Variants in DNAH9 observed in about 807,000 individuals in gnomAD.
The protein encoded by DNAH9 is DNAH9 variant protein.
A neutral mutation model predicts 471.6 loss-of-function variants in DNAH9; 345 were observed. The ratio of observed to expected loss-of-function variants is 0.73; its 90% CI spans 0.67 to 0.80. The LOEUF (loss-of-function observed/expected upper bound fraction) is 0.80, where lower values mean the gene tolerates loss of function less well. DNAH9 is among the 30% of genes least tolerant of loss of function. DNAH9 has a pLI of 0.00. For synonymous variants in DNAH9, 2,093 were observed against 2,123.6 expected, an observed-to-expected ratio of 0.99 and a Z score of 0.40; for missense variants, 5,407 against 5,609.2, an observed-to-expected ratio of 0.96 and a Z score of 1.15.
intron 14 of DNAH9, among the ~76,000 whole-genome samples, chr17:11,660,881 T>C (rs1017484376): frequency 6.6e-6 from 1 of 152,168 alleles, no homozygotes; most frequent in African/African-American, 2.4e-5. Flanking sequence ...GGTAGTGTTC[T>C]ATAAATATAA....
intron 4 of DNAH9, among the ~76,000 whole-genome samples, chr17:11,613,437 C>T (rs539930905): frequency 3.3e-5 from 5 of 152,168 alleles, no homozygotes; most frequent in Admixed American, 6.5e-5. Flanking sequence ...CTGGCTAACA[C>T]GTTGAAACCT....
At chr17:11,677,248 C>T (rs181108246) in intron 17 of DNAH9, among the ~76,000 whole-genome samples, 1 of 152,096 alleles carries the variant, frequency 6.6e-6, no homozygotes, top group African/African-American at 2.4e-5. Flanking sequence ...TATTAAAAAT[C>T]TTCCATTTTT....
chr17:11,864,869 T>G (rs369246130), intron 50 of DNAH9, among the ~76,000 whole-genome samples: 7 of 152,038 alleles, frequency 4.6e-5, no homozygotes, highest in Admixed American at 2.0e-4. Flanking sequence ...GTTTTCCATT[T>G]GCTTGGTGGA....
chr17:11,880,754 C>T (rs181752384), intron 54 of DNAH9, among the ~76,000 whole-genome samples: 1 of 152,108 alleles, frequency 6.6e-6, no homozygotes, highest in South Asian at 2.1e-4. Flanking sequence ...CTGGGGCCAT[C>T]GTTGCCTTTA....
chr17:11,621,992 A>T (rs753485032), intron 6 of DNAH9, among the ~76,000 whole-genome samples: 1 of 151,814 alleles, frequency 6.6e-6, no homozygotes, highest in Non-Finnish European at 1.5e-5. Context: ...AGGCTGAGGC[A>T]GGAGAATCAC....
chr17:11,651,165 T>C lies in DNAH9; in HGVS notation c.2194T>C (p.Tyr732His). ...AAAMFSSRDF[Y>H]RQLVANLELM... ...AGCCATGTTCTCCTCCAGGGATTTC[T>C]ATCGGCAGCTTGTGGCTAATTTAGA... is the stretch of plus-strand genomic sequence containing the variant. The change falls in exon 13 of 69, where the codon TAT (tyrosine) becomes CAT (histidine). Residue 732 changes from tyrosine to histidine, a missense_variant. By Grantham distance (83) the Tyr-to-His change is moderately conservative. Transcript: ENST00000262442. 1 of 1,614,166 alleles carries C rather than the reference T, an allele frequency of 6.2e-7. No homozygotes were observed. Among genetic ancestry groups the C allele is most frequent in the Middle Eastern group, 1.6e-4 (1 of 6,062 alleles).
At chr17:11,948,934 G>A (rs1212198770) in intron 67 of DNAH9, among the ~76,000 whole-genome samples, 1 of 152,112 alleles carries the variant, frequency 6.6e-6, no homozygotes, top group Non-Finnish European at 1.5e-5. Flanking sequence ...TGGACTGAAC[G>A]CCCGCTGCAT....
chr17:11,714,621 G>T (rs1055290697), intron 26 of DNAH9, among the ~76,000 whole-genome samples: 1 of 152,120 alleles, frequency 6.6e-6, no homozygotes, highest in Non-Finnish European at 1.5e-5. Flanking sequence ...TCCCATGGTT[G>T]TGTATTGTTA....
intron 15 of DNAH9, among the ~76,000 whole-genome samples, chr17:11,667,116 A>G (rs1329892620): frequency 2.6e-5 from 4 of 152,208 alleles, no homozygotes; most frequent in Admixed American, 6.5e-5. Context: ...ATGTCAACAT[A>G]TGGGACAAAA....
At chr17:11,737,855 G>T (rs893183360) in intron 28 of DNAH9, among the ~76,000 whole-genome samples, 12 of 152,224 alleles carry the variant, frequency 7.9e-5, no homozygotes, top group African/African-American at 2.9e-4. Flanking sequence ...TAGTCTGGGG[G>T]ATGGCTATGA....
chr17:11,888,263 G>A (rs983042162), intron 57 of DNAH9, among the ~76,000 whole-genome samples: 15 of 152,136 alleles, frequency 9.9e-5, no homozygotes, highest in Admixed American at 2.0e-4. Flanking sequence ...GATTACAGGC[G>A]TGAGCCACTG....
intron 6 of DNAH9, chr17:11,620,018 CG>C (rs1385783993): frequency 3.9e-6 from 2 of 507,534 alleles, no homozygotes; most frequent in African/African-American, 3.8e-5. Flanking sequence ...TAAAACCAGC[CG>C]GGCCAACATG....
intron 38 of DNAH9, among the ~76,000 whole-genome samples, chr17:11,777,705 A>G (rs1025320952): frequency 6.6e-6 from 1 of 152,250 alleles, no homozygotes; most frequent in Non-Finnish European, 1.5e-5. Flanking sequence ...TAACCTGTTT[A>G]TTATAAACCG....
rs142133237 is a variant in DNAH9 at position 11,748,563 on chromosome 17, C to G, written c.6610+797C>G. ...ATGGGGAAGCTGCATGCTACAGAAC[C>G]TTGTGCGCATGCCAGGCCCCTGATG... On this transcript the variant is annotated intron_variant, in intron 32 of 68. Coordinates refer to ENST00000262442, the MANE Select transcript of DNAH9 (RefSeq NM_001372.4). Among the ~76,000 whole-genome samples, 16 of 152,240 alleles carry G rather than the reference C, an allele frequency of 1.1e-4. No individual in the cohort carries two copies. The East Asian group carries it at 3.1e-3, about 29-fold the overall frequency.
rs116789329 is a variant in DNAH9, at chr17:11,717,054, T to C, written c.5553-2280T>C. ...GGAAATGCTTGAGAGAGAAGAGAAGTGTTACCAAATGGTAACAGTGGCCAA... is the reference window on the plus strand; with the variant it reads ...GGAAATGCTTGAGAGAGAAGAGAAGCGTTACCAAATGGTAACAGTGGCCAA... On this transcript the variant is annotated intron_variant, in intron 26 of 68. Coordinates refer to ENST00000262442, the MANE Select transcript of DNAH9 (RefSeq NM_001372.4). Among the ~76,000 whole-genome samples, 1,418 of 152,286 alleles carry C rather than the reference T, an allele frequency of 9.3e-3. 22 individuals carry two copies. The highest frequency in any genetic ancestry group is 0.032 in the African/African-American group (1,321 of 41,558).
chr17:11,783,591 A>G (rs1968746842), intron 39 of DNAH9, 55 bp from the exon 40 acceptor site: 1 of 1,411,966 alleles, frequency 7.1e-7, no homozygotes, highest in South Asian at 1.2e-5. Context: ...TTGACAAAGC[A>G]CTCACCTGCC....
Position 11,769,122 on chromosome 17 carries a change from G to T in DNAH9, c.7345G>T (p.Ala2449Ser). ...CAGGCTTATTGTGCTCCCATTCCAGGCGTGTTTGGTGCACACGAGTGAGAC... is the reference window on the plus strand; with the variant it reads ...CAGGCTTATTGTGCTCCCATTCCAGTCGTGTTTGGTGCACACGAGTGAGAC... The part of the protein sequence containing the change: ...FEFDPEMPLQ[A>S]CLVHTSETIR... Residue 2449 changes from alanine (A) to serine (S), a missense_variant and splice_region_variant, in exon 38 of 69, where the codon GCG becomes TCG. By Grantham distance (99) the Ala-to-Ser change is moderately conservative (BLOSUM62 1). This residue lies in a region of DNAH9 where 4,636 missense variants were observed against 4,900.3 expected (regional missense o/e 0.95). Coordinates refer to ENST00000262442, the MANE Select transcript of DNAH9 (RefSeq NM_001372.4). The T allele has an allele frequency of 6.2e-7, 1 of 1,614,162 alleles. No individual in the cohort carries two copies.
intron 27 of DNAH9, among the ~76,000 whole-genome samples, chr17:11,723,731 G>GCCA: frequency 6.6e-6 from 1 of 151,720 alleles, no homozygotes; most frequent in South Asian, 2.1e-4. Context: ...GCAGTGGCAC[G>GCCA]ATCTCAGCTC....
Position 11,892,041 on chromosome 17 carries a change from C to A in DNAH9, c.11283+94C>A. The stretch of plus-strand genomic sequence containing the variant: ...AACTTTCTTCTTTGAACATCACTTT[C>A]CACAGCATGTCCAGACTATCTGTCT... On this transcript the variant is annotated intron_variant, in intron 58 of 68. Coordinates refer to ENST00000262442, the MANE Select transcript of DNAH9 (RefSeq NM_001372.4). This position sits in a 1 kb window ranked among gnomAD's most constrained non-coding sequence, Gnocchi z 4.3. 1 of 1,396,868 alleles carries A rather than the reference C, an allele frequency of 7.2e-7. No homozygotes were observed. Among genetic ancestry groups the A allele is most frequent in the Non-Finnish European group, 9.9e-7 (1 of 1,005,422 alleles). 86.5% of individuals were successfully genotyped at this position (1,396,868 alleles called of 1,614,324 possible).
Sources: gnomAD v4.1 joint callset for allele counts (sites outside exome capture counted in the v4.1 genomes callset) on GRCh38, gnomAD v4.1.1 for gene constraint, gnomAD v4.1.1 regional missense constraint, Gnocchi (gnomAD v3.1) non-coding constraint, MANE v1.5 for transcripts, NCBI Gene and HGNC (gene_info 2026-07-23, HGNC 2026-07-21) for gene names.